Variants in MAP3K5 observed in about 807,000 individuals in gnomAD.
MAP3K5 encodes the protein ASK-1.
In MAP3K5, 56 loss-of-function variants were observed where a neutral mutation model predicts 158.7. The ratio of observed to expected loss-of-function variants is 0.35; its 90% CI spans 0.28 to 0.44. The LOEUF (loss-of-function observed/expected upper bound fraction) is 0.44, where lower values mean the gene tolerates loss of function less well. MAP3K5 is among the 20% of genes least tolerant of loss of function. The pLI is 1.00. For missense variants in MAP3K5, 1,294 were observed against 1,674.8 expected, an observed-to-expected ratio of 0.77 and a Z score of 3.97; for synonymous variants, 579 against 601.7, an observed-to-expected ratio of 0.96 and a Z score of 0.55.
At chr6:136,624,974 T>C (rs971080079) in intron 14 of MAP3K5, among the ~76,000 whole-genome samples, 1 of 152,132 alleles carries the variant, frequency 6.6e-6, no homozygotes, top group African/African-American at 2.4e-5. Context: ...AAAACAGACA[T>C]ACTTTTAAAT....
intron 21 of MAP3K5, among the ~76,000 whole-genome samples, chr6:136,599,306 G>T (rs557628165): frequency 3.2e-4 from 48 of 152,218 alleles, no homozygotes; most frequent in Admixed American, 1.8e-3. Flanking sequence ...AATCATGCAG[G>T]GAATTGGGGA....
At chr6:136,662,751 C>T (rs1454114104) in intron 8 of MAP3K5, among the ~76,000 whole-genome samples, 2 of 152,174 alleles carry the variant, frequency 1.3e-5, no homozygotes, top group African/African-American at 4.8e-5. Context: ...TAATAAAGCA[C>T]AATTCGTGAT....
intron 8 of MAP3K5, among the ~76,000 whole-genome samples, chr6:136,665,817 C>T (rs1201482949): frequency 2.6e-5 from 4 of 152,114 alleles, no homozygotes; most frequent in African/African-American, 4.8e-5. Flanking sequence ...GATGACTTTT[C>T]CTTGATTATC....
chr6:136,783,276 T>TA (rs11436876), intron 1 of MAP3K5, among the ~76,000 whole-genome samples: 88,048 of 143,988 alleles, frequency 0.61, 26,679 homozygotes, highest in Admixed American at 0.67. Flanking sequence ...AAGATCTTCT[T>TA]AAAAAAAAAA....
intron 7 of MAP3K5, among the ~76,000 whole-genome samples, chr6:136,686,474 A>C (rs1016253821): frequency 2.0e-5 from 3 of 152,310 alleles, no homozygotes; most frequent in East Asian, 3.9e-4. Context: ...GAAGAGCGGA[A>C]GTCAAATTGT....
intron 15 of MAP3K5, among the ~76,000 whole-genome samples, chr6:136,620,258 A>T (rs1190018745): frequency 3.3e-5 from 5 of 152,194 alleles, no homozygotes; most frequent in Admixed American, 1.3e-4. Context: ...TGACAGAGTG[A>T]GTCTCTGACT....
intron 1 of MAP3K5, among the ~76,000 whole-genome samples, chr6:136,782,212 AGAGACTGCAGTGAGCTAT>A (rs1485219297): frequency 6.6e-6 from 1 of 151,498 alleles, no homozygotes; most frequent in Non-Finnish European, 1.5e-5. Flanking sequence ...TCCAGGAGTT[AGAGACTGCAGTGAGCTAT>A]GATTGAGACA....
rs202039812 is a variant in MAP3K5, at chr6:136,753,496, TA to T, written c.449-32908del. 2.3e-4 allele frequency among the ~76,000 whole-genome samples: 34 copies of T among 149,430 alleles called. No homozygotes were observed. In the South Asian group the frequency reaches 3.0e-3, roughly 13 times the overall value. On this transcript the variant is annotated intron_variant, in intron 1 of 29. Coordinates refer to ENST00000359015, the MANE Select transcript of MAP3K5 (RefSeq NM_005923.4). The stretch of plus-strand genomic sequence containing the variant: ...AGCAAGGGAACATCACCACAGATAG[TA>T]TTTTTTTTTTTCCGGAATCTAAAAG...
intron 25 of MAP3K5, among the ~76,000 whole-genome samples, chr6:136,571,206 T>C (rs1292274592): frequency 1.3e-5 from 2 of 152,194 alleles, no homozygotes; most frequent in Non-Finnish European, 2.9e-5. Flanking sequence ...CCCCTCTCAA[T>C]GCTGAGAACT....
intron 3 of MAP3K5, among the ~76,000 whole-genome samples, chr6:136,703,589 A>C (rs1435075139): frequency 6.6e-6 from 1 of 152,258 alleles, no homozygotes; most frequent in Admixed American, 6.5e-5. Context: ...AACGTGTGAG[A>C]TAAATTAAAC....
intron 1 of MAP3K5, among the ~76,000 whole-genome samples, chr6:136,757,442 C>A (rs983797867): frequency 6.6e-6 from 1 of 152,056 alleles, no homozygotes; most frequent in South Asian, 2.1e-4. Context: ...TCTGTCTAGT[C>A]AGATAGCATC....
At chr6:136,592,762 G>A (rs1423208826) in intron 21 of MAP3K5, 148 bp from the exon 22 acceptor site, 1 of 766,630 alleles carries the variant, frequency 1.3e-6, no homozygotes, top group Non-Finnish European at 2.3e-6. Flanking sequence ...ACGGTCATGT[G>A]TTATGACTGC....
intron 11 of MAP3K5, among the ~76,000 whole-genome samples, chr6:136,643,407 G>A (rs1465777684): frequency 1.3e-5 from 2 of 152,090 alleles, no homozygotes; most frequent in Non-Finnish European, 2.9e-5. Flanking sequence ...AGTACAGTAC[G>A]GCAATAAACT....
At chr6:136,569,259 G>A (rs539752634) in intron 25 of MAP3K5, among the ~76,000 whole-genome samples, 1 of 152,234 alleles carries the variant, frequency 6.6e-6, no homozygotes, top group African/African-American at 2.4e-5. Context: ...ATCACTTGTG[G>A]GGGAAATCTG....
intron 1 of MAP3K5, among the ~76,000 whole-genome samples, chr6:136,745,589 T>C (rs1484989974): frequency 6.6e-6 from 1 of 152,110 alleles, no homozygotes; most frequent in African/African-American, 2.4e-5. Flanking sequence ...ATCCTGCCCA[T>C]GAACATCACA....
chr6:136,643,032 A>G (rs557290284), intron 11 of MAP3K5, among the ~76,000 whole-genome samples: 150 of 152,318 alleles, frequency 9.8e-4, no homozygotes, highest in African/African-American at 3.4e-3. Flanking sequence ...AGGCGGTTCT[A>G]TTTCTTTAGA....
chr6:136,696,738 T>A (rs1042853708), intron 5 of MAP3K5, among the ~76,000 whole-genome samples: 1 of 152,258 alleles, frequency 6.6e-6, no homozygotes, highest in African/African-American at 2.4e-5. Context: ...GTGTTTTACA[T>A]TACATATTTT....
chr6:136,610,518 A>C (rs760449324), intron 18 of MAP3K5, among the ~76,000 whole-genome samples: 2 of 151,566 alleles, frequency 1.3e-5, no homozygotes, highest in Admixed American at 1.3e-4. Context: ...ACAGTAAAAG[A>C]GGGAATTCAT....
intron 14 of MAP3K5, chr6:136,630,159 C>T (rs551579360): frequency 1.3e-5 from 2 of 152,260 alleles, no homozygotes; most frequent in African/African-American, 2.4e-5. Flanking sequence ...TCTCCTTAAC[C>T]CTGATCACCA....
Sources: gnomAD v4.1 joint callset for allele counts (sites outside exome capture counted in the v4.1 genomes callset) on GRCh38, gnomAD v4.1.1 for gene constraint, MANE v1.5 for transcripts, NCBI Gene and HGNC (gene_info 2026-07-23, HGNC 2026-07-21) for gene names.